The following ZNF839 variants were observed in gnomAD, a reference collection of about 807,000 sequenced individuals.
The protein encoded by ZNF839 is renal carcinoma antigen NY-REN-50.
In ZNF839, 38 loss-of-function variants were observed where a neutral mutation model predicts 56.4. That is an observed-to-expected ratio of 0.67 (90% CI 0.52 to 0.88). ZNF839 has a LOEUF of 0.88. ZNF839 is among the 40% of genes least tolerant of loss of function. ZNF839 has a pLI of 0.00. For synonymous variants in ZNF839, 486 were observed against 493.5 expected (o/e 0.98, Z 0.20); for missense variants, 1,091 against 1,177.6 (o/e 0.93, Z 1.08).
chr14:102,333,418 C>T (rs759077554), intron 3 of ZNF839, among the ~76,000 whole-genome samples: 1 of 151,998 alleles, frequency 6.6e-6, no homozygotes, highest in Non-Finnish European at 1.5e-5. Context: ...CGCACACCCC[C>T]ACACCCAGCT....
rs772005857 is a variant in ZNF839, at chr14:102,326,382, T to C, written c.686T>C (p.Ile229Thr). The C allele has an allele frequency of 1.2e-6, 2 of 1,611,966 alleles. No homozygotes were observed. Among genetic ancestry groups the C allele is most frequent in the Middle Eastern group, 1.7e-4 (1 of 6,060 alleles). ...TCATCCAGTTCAGCACATCCATTTA[T>C]TTCCAACTTGCATACAAGACATACT... is the stretch of plus-strand genomic sequence containing the variant. Reference protein sequence around the residue: ...SLSSSSAHPFISNLHTRHTEK... With the variant: ...SLSSSSAHPFTSNLHTRHTEK... The change falls in exon 2 of 8, where the codon ATT becomes ACT. Residue 229 changes from isoleucine (I) to threonine (T), a missense_variant. This residue lies in a region of ZNF839 where 614 missense variants were observed against 629.2 expected (regional missense o/e 0.98). Transcript: ENST00000442396. The surrounding 1 kb of genome is among the most constrained non-coding windows in gnomAD (Gnocchi z 4.3).
At chr14:102,323,522 G>A (rs2139462528) in intron 1 of ZNF839, among the ~76,000 whole-genome samples, 1 of 152,226 alleles carries the variant, frequency 6.6e-6, no homozygotes, top group African/African-American at 2.4e-5. Flanking sequence ...AAATATTTGT[G>A]GGGTGTTATT....
At position 102,342,296 on chromosome 14, in the gene ZNF839, G is replaced by T; in HGVS notation, c.*117G>T. On this transcript the variant is annotated 3_prime_UTR_variant, in exon 8 of 8. Transcript: ENST00000442396. ...TTTATCCAGAGAAGGTCTATGGCAA[G>T]CAATGTATATTTTTCTAATGTGAAT... 7.6e-7 allele frequency: 1 copy of T among 1,316,664 alleles called. No individual in the cohort carries two copies. The highest frequency in any genetic ancestry group is 2.8e-4 in the Middle Eastern group (1 of 3,592). The allele number at this position is 1,316,664 out of a possible 1,614,324, so 81.6% of individuals were successfully genotyped here.
Position 102,341,978 on chromosome 14 carries a change from G to C in ZNF839, c.2583G>C (p.Glu861Asp). 7 of 1,614,056 alleles carry C rather than the reference G, an allele frequency of 4.3e-6. No individual in the cohort carries two copies. Among genetic ancestry groups the C allele is most frequent in the Non-Finnish European group, 5.9e-6 (7 of 1,179,902 alleles). Residue 861 changes from glutamate to aspartate, a missense_variant, in exon 8 of 8, where the codon GAG becomes GAC. By Grantham distance (45) the Glu-to-Asp change is conservative (BLOSUM62 2). Transcript: ENST00000442396. ...TGCACTCTGGCCAGAGAGAACTGGA[G>C]AGCGTGGTTGCTGTCGGCGAAGCCA... The part of the protein sequence containing the change: ...MEVHSGQREL[E>D]SVVAVGEAMA...
intron 1 of ZNF839, among the ~76,000 whole-genome samples, chr14:102,320,258 G>T (rs1448007320): frequency 6.6e-6 from 1 of 152,180 alleles, no homozygotes; most frequent in Non-Finnish European, 1.5e-5. Context: ...TCTAGGAGCG[G>T]TTGCTCACGC....
At position 102,341,934 on chromosome 14, in the gene ZNF839, T is replaced by A; in HGVS notation, c.2539T>A (p.Phe847Ile). 6.2e-7 allele frequency: 1 copy of A among 1,614,022 alleles called. No individual in the cohort carries two copies. The highest frequency in any genetic ancestry group is 8.5e-7 in the Non-Finnish European group (1 of 1,179,882). Residue 847 changes from phenylalanine (F) to isoleucine (I), a missense_variant, in exon 8 of 8, where the codon TTC (phenylalanine) becomes ATC (isoleucine). Physicochemically the swap from Phe to Ile is conservative, Grantham distance 21. Transcript: ENST00000442396. The part of the protein sequence containing the change: ...LRSLSGDLNR[F>I]PCGMEVHSGQ... ...AAGCCTTTCGGGGGACTTGAACCGG[T>A]TCCCCTGTGGGATGGAGGTGCACTC...
At chr14:102,323,166 A>T (rs1597708381) in intron 1 of ZNF839, among the ~76,000 whole-genome samples, 1 of 152,082 alleles carries the variant, frequency 6.6e-6, no homozygotes, top group East Asian at 1.9e-4. Context: ...CAAATAAGTG[A>T]TTCTCAACCG....
chr14:102,340,386 C>G (rs1464295813), intron 7 of ZNF839, among the ~76,000 whole-genome samples: 1 of 152,012 alleles, frequency 6.6e-6, no homozygotes, highest in Admixed American at 6.6e-5. Context: ...ATTCTCCTGC[C>G]TCAGCCTCCT....
upstream of ZNF839, among the ~76,000 whole-genome samples, chr14:102,318,885 G>C (rs1410359666): frequency 9.2e-5 from 14 of 152,154 alleles, no homozygotes; most frequent in Non-Finnish European, 1.3e-4. Context: ...CACCTAGACT[G>C]TATACCCCCC....
At chr14:102,337,001 T>G (rs1885812762) in intron 5 of ZNF839, 1 of 158,012 alleles carries the variant, frequency 6.3e-6, no homozygotes, top group Non-Finnish European at 1.4e-5. Flanking sequence ...CCCAAAGTGC[T>G]GGGATTACAG....
At chr14:102,322,952 A>G (rs1011353748) in intron 1 of ZNF839, among the ~76,000 whole-genome samples, 1 of 152,248 alleles carries the variant, frequency 6.6e-6, no homozygotes, top group Non-Finnish European at 1.5e-5. Flanking sequence ...TCCCAGGGCT[A>G]TGGTGCCACC....
At chr14:102,319,737 C>A, upstream of ZNF839, 3 of 1,227,776 alleles carry the variant, frequency 2.4e-6, no homozygotes, top group Middle Eastern at 2.7e-4. The surrounding 1 kb of genome is among the most constrained non-coding windows in gnomAD (Gnocchi z 4.5). Context: ...CGCTCAGCGA[C>A]CCGGGTTCGA....
At chr14:102,339,669 A>C (rs541822273) in intron 7 of ZNF839, among the ~76,000 whole-genome samples, 2 of 151,944 alleles carry the variant, frequency 1.3e-5, no homozygotes, top group East Asian at 3.9e-4. Context: ...AATTGCTTGA[A>C]CCTGGGAGGC....
At chr14:102,335,194 C>G (rs1178380447) in intron 4 of ZNF839, 1 of 154,214 alleles carries the variant, frequency 6.5e-6, no homozygotes, top group East Asian at 1.9e-4. Context: ...GGGCAGGTGC[C>G]CGTTTACTCC....
intron 2 of ZNF839, among the ~76,000 whole-genome samples, chr14:102,327,489 A>T (rs1402956111): frequency 6.6e-6 from 1 of 152,180 alleles, no homozygotes; most frequent in Non-Finnish European, 1.5e-5. Context: ...ACTCACTGTC[A>T]TGCTAAACCA....
chr14:102,330,513 C>T (rs1216024617), intron 2 of ZNF839, among the ~76,000 whole-genome samples: 4 of 150,980 alleles, frequency 2.6e-5, no homozygotes, highest in Admixed American at 6.6e-5. Flanking sequence ...GCATTACAGG[C>T]ATGAGCCACT....
intron 1 of ZNF839, among the ~76,000 whole-genome samples, chr14:102,324,585 C>A (rs1471310797): frequency 6.6e-6 from 1 of 152,086 alleles, no homozygotes; most frequent in African/African-American, 2.4e-5. Context: ...CCTGTGATCC[C>A]AGCTATTCAG....
At position 102,320,000 on chromosome 14, in the gene ZNF839, C is replaced by CAGCG. The variant is rs1321800918; in HGVS notation, c.236_239dup (p.Gly81AlafsTer89). The CAGCG allele has an allele frequency of 1.7e-6, 2 of 1,176,624 alleles. No homozygotes were observed. Among genetic ancestry groups the CAGCG allele is most frequent in the African/African-American group, 1.6e-5 (1 of 62,112 alleles). 72.9% of individuals were successfully genotyped at this position (1,176,624 alleles called of 1,614,324 possible). On this transcript the variant is annotated frameshift_variant, in exon 1 of 8. Coordinates refer to ENST00000442396, the MANE Select transcript of ZNF839 (RefSeq NM_018335.6). LOFTEE classifies it high-confidence loss of function. This position sits in a 1 kb window ranked among gnomAD's most constrained non-coding sequence, Gnocchi z 4.5. ...GGACGCGGCCCAACAGGCCGCCCTG[C>CAGCG]AGCGGGGCCGGGGCACCGAGCCCCC...
chr14:102,336,607 T>C (rs1180824762), intron 5 of ZNF839: 7 of 425,212 alleles, frequency 1.6e-5, no homozygotes, highest in South Asian at 8.7e-5. Context: ...CAGTTTTTTT[T>C]TTCTTAAAGC....
Sources: gnomAD v4.1 joint callset for allele counts (sites outside exome capture counted in the v4.1 genomes callset) on GRCh38, gnomAD v4.1.1 for gene constraint, gnomAD v4.1.1 regional missense constraint, Gnocchi (gnomAD v3.1) non-coding constraint, MANE v1.5 for transcripts, NCBI Gene and HGNC (gene_info 2026-07-23, HGNC 2026-07-21) for gene names.